Variants in TAF1 observed in about 807,000 individuals in gnomAD.
TAF1 encodes the protein transcription initiation factor TFIID subunit 1.
TAF1 carries 2 observed loss-of-function variants against 138.5 expected under a neutral mutation model. The observed-to-expected ratio is 0.01, with a 90% confidence interval of 0.01 to 0.05. The LOEUF (loss-of-function observed/expected upper bound fraction) is 0.05, where lower values mean the gene tolerates loss of function less well. Among genes scored for constraint, TAF1 ranks in the 10% least tolerant of loss-of-function variants. The probability of loss-of-function intolerance (pLI) is 1.00; values close to 1 mark genes in which losing one functional copy is unlikely to be tolerated. For synonymous variants in TAF1, 437 were observed against 503.2 expected, an observed-to-expected ratio of 0.87 and a Z score of 1.76; for missense variants, 709 against 1,478.0, an observed-to-expected ratio of 0.48 and a Z score of 8.53.
chrX:71,461,877 G>A (rs1472418537), intron 37 of TAF1, among the ~76,000 whole-genome samples: 1 of 111,109 alleles, frequency 9.0e-6, no homozygotes, highest in Admixed American at 9.6e-5. Context: ...AGGTGGGGAG[G>A]GAGGAGAGCT....
chrX:71,508,055 A>G (rs2039660032), intron 13 of TAF1, among the ~76,000 whole-genome samples: 1 of 97,316 alleles, frequency 1.0e-5, no homozygotes. Flanking sequence ...ATATCTATAC[A>G]TATATGAATA....
intron 13 of TAF1, among the ~76,000 whole-genome samples, chrX:71,524,380 C>T (rs1310532891): frequency 9.0e-6 from 1 of 110,772 alleles, no homozygotes; most frequent in Non-Finnish European, 1.9e-5. Context: ...CAACACACTC[C>T]ATATTGTGTC....
intron 32 of TAF1, among the ~76,000 whole-genome samples, chrX:71,436,693 C>T (rs1299567755): frequency 9.0e-6 from 1 of 111,320 alleles, no homozygotes; most frequent in South Asian, 3.8e-4. Context: ...ATTCTTGAAC[C>T]TATTTGAGAG....
chrX:71,413,820 A>G (rs1162439552), intron 28 of TAF1: 1 of 111,857 alleles, frequency 8.9e-6, no homozygotes, highest in Non-Finnish European at 1.9e-5. Flanking sequence ...ATAAATTGGA[A>G]ATTCTAAGTT....
rs2038678234 is a variant in TAF1 at position 71,464,444 on chromosome X, C to T, written c.*398C>T. The T allele has an allele frequency of 9.2e-6, 3 of 325,212 alleles. No individual in the cohort carries two copies. In the East Asian group the frequency reaches 1.4e-4, roughly 15 times the overall value. The allele number at this position is 325,212 out of a possible 1,213,427, so 26.8% of individuals were successfully genotyped here. ...TTCCGGCCAGGCGTGGTGGCTCACA[C>T]CTGTAATCTCAGCACTCTGGGAGGC... On this transcript the variant is annotated 3_prime_UTR_variant, in exon 38 of 38. Coordinates refer to ENST00000423759, the MANE Select transcript of TAF1 (RefSeq NM_004606.5).
chrX:71,516,765 C>T (rs749709929), intron 13 of TAF1, among the ~76,000 whole-genome samples: 1 of 109,046 alleles, frequency 9.2e-6, no homozygotes, highest in East Asian at 2.9e-4. Flanking sequence ...AGTGCAGTGG[C>T]GCGATCTTGG....
chrX:71,512,647 G>A lies in TAF1; in HGVS notation c.1367-15895G>A, dbSNP rs192101196. Among the ~76,000 whole-genome samples the A allele has an allele frequency of 3.0e-4, 33 of 111,092 alleles. No individual in the cohort carries two copies. In the South Asian group the frequency reaches 0.011, roughly 36 times the overall value. On this transcript the variant is annotated intron_variant and NMD_transcript_variant, in intron 13 of 14. Coordinates refer to the TAF1 transcript ENST00000373775. ...AATCTGGCCAACATGGTGAAACCCC[G>A]TCTGTACTAAAAATACAAAAATTTG...
At chrX:71,483,774 CTCTCTCTA>C (rs1221015481) in intron 13 of TAF1, among the ~76,000 whole-genome samples, 130 of 70,397 alleles carry the variant, frequency 1.8e-3, no homozygotes, top group African/African-American at 6.7e-3. Context: ...CTCTCTCTCT[CTCTCTCTA>C]TATATATATA....
At chrX:71,503,328 G>GTGTGTA (rs1205305561) in intron 13 of TAF1, among the ~76,000 whole-genome samples, 1 of 88,814 alleles carries the variant, frequency 1.1e-5, no homozygotes, top group African/African-American at 4.7e-5. Flanking sequence ...ATATGTGTGT[G>GTGTGTA]TATATATATA....
At chrX:71,501,079 AAG>A (rs1270675424) in intron 13 of TAF1, among the ~76,000 whole-genome samples, 5 of 108,765 alleles carry the variant, frequency 4.6e-5, no homozygotes, top group African/African-American at 1.7e-4. Flanking sequence ...AAAAAAAAAA[AAG>A]ATGTTATGCC....
In TAF1 at chrX:71,416,247, G is replaced by A. The variant is rs201377160; in HGVS notation, c.4385-5062G>A. Among the ~76,000 whole-genome samples, 56 of 49,388 alleles carry A rather than the reference G, an allele frequency of 1.1e-3. No homozygotes were observed. In the East Asian group the frequency reaches 0.031, roughly 27 times the overall value. 42.9% of individuals were successfully genotyped at this position (49,388 alleles called of 115,157 possible). The stretch of plus-strand genomic sequence containing the variant: ...AAAAATAAAAAAAAATTAGCCAGGC[G>A]TGGTGGCACGTACCTGTAGTCCCAG... On this transcript the variant is annotated intron_variant, in intron 28 of 37. Coordinates refer to ENST00000423759, the MANE Select transcript of TAF1 (RefSeq NM_004606.5).
At chrX:71,459,372 C>A in intron 35 of TAF1, 180 bp from the exon 36 acceptor site, 1 of 1,014,654 alleles carries the variant, frequency 9.9e-7, no homozygotes, top group South Asian at 2.4e-5. Flanking sequence ...GAGCCCCAAT[C>A]TGACTTTAAT....
intron 13 of TAF1, chrX:71,492,879 G>A (rs1159416867): frequency 8.9e-6 from 1 of 112,898 alleles, no homozygotes; most frequent in Non-Finnish European, 1.9e-5. Context: ...CGGGACGCCG[G>A]GGCGGGGCGG....
intron 13 of TAF1, among the ~76,000 whole-genome samples, chrX:71,384,529 G>A (rs1169030872): frequency 9.1e-6 from 1 of 110,075 alleles, no homozygotes; most frequent in East Asian, 2.8e-4. Context: ...TTCTGCCTCA[G>A]CCTCCTGAGT....
In TAF1 at chrX:71,378,227, T is replaced by C; in HGVS notation, c.934-8T>C. The C allele has an allele frequency of 4.1e-6, 5 of 1,210,073 alleles. No individual in the cohort carries two copies. Among genetic ancestry groups the C allele is most frequent in the Non-Finnish European group, 5.6e-6 (5 of 893,874 alleles). On this transcript the variant is annotated splice_polypyrimidine_tract_variant and splice_region_variant and intron_variant, in intron 6 of 37. Transcript: ENST00000423759. ...TTCTCCCTGCTCTACTTCTTTCTTC[T>C]GTTACAGATCACGATGATGGCTCCT...
rs1020818008 is a variant in TAF1, at chrX:71,401,194, C to T, written c.3787-334C>T. Among the ~76,000 whole-genome samples the T allele has an allele frequency of 3.6e-5, 4 of 111,586 alleles. No homozygotes were observed. In the Admixed American group the frequency reaches 3.9e-4, roughly 11 times the overall value. ...TACATGCAGATTTGTCTAGTGGCTT[C>T]TGGTTGATCAGTGCATAACAATTCT... On this transcript the variant is annotated intron_variant, in intron 24 of 37. Coordinates refer to ENST00000423759, the MANE Select transcript of TAF1 (RefSeq NM_004606.5).
downstream of TAF1, chrX:71,466,455 G>GC (rs2038760748): frequency 9.0e-6 from 1 of 111,487 alleles, no homozygotes; most frequent in Non-Finnish European, 1.9e-5. Flanking sequence ...TCAGCTCACT[G>GC]CAACATCCGC....
intron 13 of TAF1, among the ~76,000 whole-genome samples, chrX:71,483,151 CTTTTT>C (rs35875629): frequency 2.4e-4 from 18 of 74,934 alleles, no homozygotes; most frequent in Non-Finnish European, 2.5e-4. Context: ...TTTTTCTTTT[CTTTTT>C]TTTTTTTTTT....
At chrX:71,447,059 G>A (rs924792522) in intron 32 of TAF1, among the ~76,000 whole-genome samples, 5 of 109,566 alleles carry the variant, frequency 4.6e-5, no homozygotes, top group Non-Finnish European at 9.4e-5. Context: ...ATGTGTAGTT[G>A]CATTTAGTAA....
Sources: gnomAD v4.1 joint callset for allele counts (sites outside exome capture counted in the v4.1 genomes callset) on GRCh38, gnomAD v4.1.1 for gene constraint, MANE v1.5 for transcripts, NCBI Gene and HGNC (gene_info 2026-07-23, HGNC 2026-07-21) for gene names.